Variants in LDAH observed in about 807,000 individuals in gnomAD.
The protein encoded by LDAH is lipid droplet associated hydrolase.
In LDAH, 26 loss-of-function variants were observed where a neutral mutation model predicts 29.6. That is an observed-to-expected ratio of 0.88 (90% CI 0.64 to 1.22). The LOEUF (loss-of-function observed/expected upper bound fraction) is 1.22, where lower values mean the gene tolerates loss of function less well. LDAH is among the 50% of genes most tolerant of loss of function. The pLI, the probability that LDAH is intolerant of heterozygous loss-of-function variation, is 0.00. For missense variants in LDAH, 344 were observed against 387.3 expected (o/e 0.89, Z 0.94); for synonymous variants, 117 against 133.0 (o/e 0.88, Z 0.83).
rs1662594371 is a variant in LDAH, at chr2:20,686,853, C to T, written c.*50G>A. On this transcript the variant is annotated 3_prime_UTR_variant, in exon 7 of 7. Transcript: ENST00000237822. ...AAACATTTACCTACTAAGTCTAGTACACTGACTGCCTCCATGTACTGGCAG... is the reference window on the plus strand; with the variant it reads ...AAACATTTACCTACTAAGTCTAGTATACTGACTGCCTCCATGTACTGGCAG... The T allele has an allele frequency of 1.3e-6, 2 of 1,503,138 alleles. No individual in the cohort carries two copies. Among genetic ancestry groups the T allele is most frequent in the Non-Finnish European group, 9.1e-7 (1 of 1,095,052 alleles). 93.1% of individuals were successfully genotyped at this position (1,503,138 alleles called of 1,614,324 possible). A position where few individuals can be genotyped will look rare whatever the true frequency, so the allele number is the denominator to read the frequency against.
chr2:20,773,678 TCAAAAACCACA>T (rs1255207169), intron 4 of LDAH, among the ~76,000 whole-genome samples: 1 of 152,108 alleles, frequency 6.6e-6, no homozygotes, highest in Non-Finnish European at 1.5e-5. Context: ...CCATTTAGTA[TCAAAAACCACA>T]GCGAGGGAGG....
At chr2:20,756,486 T>C (rs1161878313) in intron 4 of LDAH, among the ~76,000 whole-genome samples, 1 of 151,972 alleles carries the variant, frequency 6.6e-6, no homozygotes, top group Non-Finnish European at 1.5e-5. Flanking sequence ...CCAAAAACTC[T>C]AAAAAATGTT....
At chr2:20,702,412 G>T (rs2149355456) in intron 5 of LDAH, among the ~76,000 whole-genome samples, 1 of 152,236 alleles carries the variant, frequency 6.6e-6, no homozygotes, top group South Asian at 2.1e-4. Context: ...TTGAAATCAT[G>T]TAAGTGGACT....
At chr2:20,695,205 G>A (rs1663349808) in intron 6 of LDAH, among the ~76,000 whole-genome samples, 1 of 152,182 alleles carries the variant, frequency 6.6e-6, no homozygotes, top group Non-Finnish European at 1.5e-5. Context: ...GCTCCTTGAG[G>A]CATCTTATGG....
chr2:20,708,624 T>C (rs2149367899), intron 5 of LDAH, among the ~76,000 whole-genome samples: 1 of 152,290 alleles, frequency 6.6e-6, no homozygotes, highest in Middle Eastern at 3.4e-3. Context: ...CAAGTGGATA[T>C]ACATGTGCAA....
At chr2:20,808,074 G>C (rs1432454273) in intron 1 of LDAH, among the ~76,000 whole-genome samples, 1 of 151,622 alleles carries the variant, frequency 6.6e-6, no homozygotes, top group Non-Finnish European at 1.5e-5. Flanking sequence ...AAACATAAAA[G>C]AGACCACTTA....
intron 5 of LDAH, among the ~76,000 whole-genome samples, chr2:20,739,192 C>T (rs1014428324): frequency 6.6e-6 from 1 of 152,174 alleles, no homozygotes; most frequent in African/African-American, 2.4e-5. Flanking sequence ...CCATCAGCTA[C>T]TGCTGCAACT....
chr2:20,699,088 G>T (rs893044489), intron 6 of LDAH, among the ~76,000 whole-genome samples: 3 of 152,170 alleles, frequency 2.0e-5, no homozygotes, highest in African/African-American at 7.2e-5. Flanking sequence ...ATTCTGGCTG[G>T]ATGGCACAAA....
At position 20,790,376 on chromosome 2, in the gene LDAH, A is replaced by C; in HGVS notation, c.177T>G (p.Phe59Leu). The C allele has an allele frequency of 1.2e-6, 2 of 1,613,482 alleles. No individual in the cohort carries two copies. The highest frequency in any genetic ancestry group is 1.7e-6 in the Non-Finnish European group (2 of 1,179,850). ...ATAAAGCCTTTGCAAATGGCACATA[A>C]AAGGCAGAAAAACCTGGGTTACCTA... ...IIPGNPGFSA[F>L]YVPFAKALYS... Residue 59 changes from phenylalanine to leucine, a missense_variant, in exon 3 of 7, where the codon TTT becomes TTG. Phe to Leu is a conservative substitution (Grantham distance 22). Coordinates refer to ENST00000237822, the MANE Select transcript of LDAH (RefSeq NM_021925.4).
At chr2:20,749,955 C>T (rs1208417425) in intron 4 of LDAH, among the ~76,000 whole-genome samples, 1 of 152,016 alleles carries the variant, frequency 6.6e-6, no homozygotes, top group Non-Finnish European at 1.5e-5. Flanking sequence ...CCTGGTGGTA[C>T]CATGGTATCT....
At chr2:20,721,264 C>G (rs1281775953) in intron 5 of LDAH, among the ~76,000 whole-genome samples, 1 of 152,084 alleles carries the variant, frequency 6.6e-6, no homozygotes, top group Non-Finnish European at 1.5e-5. Context: ...ATTTAGGGAA[C>G]TCAAACAACT....
intron 1 of LDAH, among the ~76,000 whole-genome samples, chr2:20,819,720 C>T (rs1673115019): frequency 6.6e-6 from 1 of 152,184 alleles, no homozygotes; most frequent in African/African-American, 2.4e-5. Context: ...GGGATGCCCT[C>T]TCTCACCACT....
chr2:20,721,057 T>C (rs773166410), intron 5 of LDAH, among the ~76,000 whole-genome samples: 8 of 152,058 alleles, frequency 5.3e-5, no homozygotes, highest in African/African-American at 1.4e-4. Context: ...TACAGGACAT[T>C]GGTCTGGGGA....
downstream of LDAH, chr2:20,683,889 G>A (rs1167176998): frequency 1.6e-5 from 2 of 122,500 alleles, no homozygotes; most frequent in African/African-American, 6.3e-5. Context: ...GGGGACTCAG[G>A]GAGGTGAAGT....
rs915414338 is a variant in LDAH, at chr2:20,698,330, C to T, written c.786+3240G>A. On this transcript the variant is annotated intron_variant, in intron 6 of 6. Transcript: ENST00000237822. This position sits in a 1 kb window ranked among gnomAD's most constrained non-coding sequence, Gnocchi z 4.4. ...CTTTACATAGGGAGTAACATCTAAC[C>T]AAAACCAAGGACTGGGAAGGCCTCT... is the stretch of plus-strand genomic sequence containing the variant. Among the ~76,000 whole-genome samples, 1 of 152,114 alleles carries T rather than the reference C, an allele frequency of 6.6e-6. No homozygotes were observed. The highest frequency in any genetic ancestry group is 1.5e-5 in the Non-Finnish European group (1 of 68,032).
At chr2:20,764,076 A>T (rs1668862839) in intron 4 of LDAH, among the ~76,000 whole-genome samples, 1 of 152,194 alleles carries the variant, frequency 6.6e-6, no homozygotes, top group African/African-American at 2.4e-5. Flanking sequence ...TTCAGGATTT[A>T]AAAAAATACA....
At chr2:20,769,445 A>G (rs544825051) in intron 4 of LDAH, among the ~76,000 whole-genome samples, 1 of 152,320 alleles carries the variant, frequency 6.6e-6, no homozygotes, top group South Asian at 2.1e-4. Flanking sequence ...TGTTAAACAT[A>G]GCTGAGTGAC....
At chr2:20,720,609 G>A (rs1029574481) in intron 5 of LDAH, among the ~76,000 whole-genome samples, 1 of 151,876 alleles carries the variant, frequency 6.6e-6, no homozygotes, top group African/African-American at 2.4e-5. Flanking sequence ...TCACAGAAAT[G>A]GAGAAAACAA....
chr2:20,732,898 TCACTATGTC>T, intron 5 of LDAH, among the ~76,000 whole-genome samples: 1 of 100,772 alleles, frequency 9.9e-6, no homozygotes. Context: ...AGACAGGGTC[TCACTATGTC>T]GCCTAGGCTG....
Sources: gnomAD v4.1 joint callset for allele counts (sites outside exome capture counted in the v4.1 genomes callset) on GRCh38, gnomAD v4.1.1 for gene constraint, Gnocchi (gnomAD v3.1) non-coding constraint, MANE v1.5 for transcripts, NCBI Gene and HGNC (gene_info 2026-07-23, HGNC 2026-07-21) for gene names.